The following FAM110D variants were observed in gnomAD, a reference collection of about 807,000 sequenced individuals.
FAM110D encodes the protein family with sequence similarity 110 member D.
For missense variants in FAM110D, 376 were observed against 395.6 expected (o/e 0.95, Z 0.42); for synonymous variants, 174 against 189.4 (o/e 0.92, Z 0.67).
intron 1 of FAM110D, among the ~76,000 whole-genome samples, chr1:26,160,146 C>CAGT (rs1190513486): frequency 6.7e-6 from 1 of 148,578 alleles, no homozygotes; most frequent in Non-Finnish European, 1.5e-5. Context: ...GGCTGGAGTG[C>CAGT]AGTGGTGCGC....
At position 26,161,491 on chromosome 1, in the gene FAM110D, C is replaced by T. The variant is rs375120944; in HGVS notation, c.200C>T (p.Pro67Leu). The change falls in exon 2 of 2, where the codon CCC becomes CTC. Residue 67 changes from proline to leucine, a missense_variant. Transcript: ENST00000374268. The surrounding 1 kb of genome is among the most constrained non-coding windows in gnomAD (Gnocchi z 5.4). ...ELGPPASPRT[P>L]RPVRRGSGRR... is the part of the protein sequence containing the mutation. ...GGGCCCCCTGCATCGCCCAGGACGCCCAGGCCGGTCCGCCGGGGAAGCGGC... is the reference window on the plus strand; with the variant it reads ...GGGCCCCCTGCATCGCCCAGGACGCTCAGGCCGGTCCGCCGGGGAAGCGGC... 1.9e-4 allele frequency: 301 copies of T among 1,553,720 alleles called. No individual in the cohort carries two copies. The highest frequency in any genetic ancestry group is 5.3e-4 in the Admixed American group (27 of 51,330).
intron 1 of FAM110D, among the ~76,000 whole-genome samples, chr1:26,159,893 G>A (rs993709604): frequency 3.9e-5 from 6 of 152,074 alleles, no homozygotes; most frequent in African/African-American, 1.4e-4. Context: ...GCAGAAGGGA[G>A]GTGGAAAAGG....
rs2088363253 is a variant in FAM110D at position 26,161,256 on chromosome 1, T to A, written c.-36T>A. On this transcript the variant is annotated 5_prime_UTR_variant, in exon 2 of 2. Transcript: ENST00000374268. This position sits in a 1 kb window ranked among gnomAD's most constrained non-coding sequence, Gnocchi z 5.4. ...AATTGCTCTAGGCCCCGTGGCTGGC[T>A]ACTTATGGGGCACTGTCCTGACCAG... 1 of 1,486,506 alleles carries A rather than the reference T, an allele frequency of 6.7e-7. No homozygotes were observed. Among genetic ancestry groups the A allele is most frequent in the Admixed American group, 2.4e-5 (1 of 41,180 alleles). The allele number at this position is 1,486,506 out of a possible 1,614,324, so 92.1% of individuals were successfully genotyped here. A position where few individuals can be genotyped will look rare whatever the true frequency, so the allele number is the denominator to read the frequency against.
chr1:26,160,452 C>A (rs1022709645), intron 1 of FAM110D, among the ~76,000 whole-genome samples: 1 of 151,740 alleles, frequency 6.6e-6, no homozygotes, highest in Non-Finnish European at 1.5e-5. Context: ...AGGCAAGAAA[C>A]CTGGGTGACA....
rs1001549306 is a variant in FAM110D, at chr1:26,162,286, G to T, written c.*179G>T. The T allele has an allele frequency of 5.1e-5, 21 of 409,946 alleles. No individual in the cohort carries two copies. The highest frequency in any genetic ancestry group is 1.8e-4 in the Admixed American group (4 of 21,720). 25.4% of individuals were successfully genotyped at this position (409,946 alleles called of 1,614,324 possible). ...GCCCTTCCCTGCTCCCGCGGCGAAG[G>T]GGGAGGGAGAGGCCTCTTGGTCCCT... On this transcript the variant is annotated 3_prime_UTR_variant, in exon 2 of 2. Transcript: ENST00000374268. The surrounding 1 kb of genome is among the most constrained non-coding windows in gnomAD (Gnocchi z 5.3).
rs1009013585 is a variant in FAM110D at position 26,161,899 on chromosome 1, C to G, written c.608C>G (p.Pro203Arg). 1 of 1,442,344 alleles carries G rather than the reference C, an allele frequency of 6.9e-7. No homozygotes were observed. Among genetic ancestry groups the G allele is most frequent in the South Asian group, 1.4e-5 (1 of 70,982 alleles). The allele number at this position is 1,442,344 out of a possible 1,614,324, so 89.3% of individuals were successfully genotyped here. A position where few individuals can be genotyped will look rare whatever the true frequency, so the allele number is the denominator to read the frequency against. The change falls in exon 2 of 2, where the codon CCC becomes CGC. Residue 203 changes from proline to arginine, a missense_variant. Transcript: ENST00000374268. This position sits in a 1 kb window ranked among gnomAD's most constrained non-coding sequence, Gnocchi z 5.4. ...CCGCAGGCCGGAACTTCGCCGCCGC[C>G]CGGCTCCGGGGACGCCAGCGACTGG... ...ASPQAGTSPP[P>R]GSGDASDWTS... is the part of the protein sequence containing the mutation.
chr1:26,162,081 G>C lies in FAM110D; in HGVS notation c.790G>C (p.Gly264Arg). The change falls in exon 2 of 2, where the codon GGA (glycine) becomes CGA (arginine). Residue 264 changes from glycine (G) to arginine (R), a missense_variant. Gly to Arg is a moderately radical substitution (Grantham distance 125). Transcript: ENST00000374268. This position sits in a 1 kb window ranked among gnomAD's most constrained non-coding sequence, Gnocchi z 5.3. ...QWLYGCQRARGPPRESEV is the reference protein window; with the variant it reads ...QWLYGCQRARRPPRESEV ...GCTGTACGGCTGCCAGCGCGCCCGC[G>C]GACCGCCGCGCGAGTCCGAGGTGTG... The C allele has an allele frequency of 7.9e-7, 1 of 1,271,574 alleles. No individual in the cohort carries two copies. The highest frequency in any genetic ancestry group is 9.9e-7 in the Non-Finnish European group (1 of 1,009,764). 78.8% of individuals were successfully genotyped at this position (1,271,574 alleles called of 1,614,324 possible). A position where few individuals can be genotyped will look rare whatever the true frequency, so the allele number is the denominator to read the frequency against.
At position 26,161,712 on chromosome 1, in the gene FAM110D, G is replaced by A. The variant is rs765595772; in HGVS notation, c.421G>A (p.Asp141Asn). Residue 141 changes from aspartate to asparagine, a missense_variant, in exon 2 of 2, where the codon GAT becomes AAT. By Grantham distance (23) the Asp-to-Asn change is conservative (BLOSUM62 1). Transcript: ENST00000374268. This position sits in a 1 kb window ranked among gnomAD's most constrained non-coding sequence, Gnocchi z 5.4. ...TTCAGGGGGTTGGGCTGCGCCCCAGGATGCCCCGGAAGCGGCGGGAAAGCG... is the reference window on the plus strand; with the variant it reads ...TTCAGGGGGTTGGGCTGCGCCCCAGAATGCCCCGGAAGCGGCGGGAAAGCG... Reference protein sequence around the residue: ...AASGGWAAPQDAPEAAGKRAL... With the variant: ...AASGGWAAPQNAPEAAGKRAL... The A allele has an allele frequency of 2.1e-5, 32 of 1,550,862 alleles. No individual in the cohort carries two copies. In the South Asian group the frequency reaches 3.2e-4, roughly 16 times the overall value.
intron 1 of FAM110D, among the ~76,000 whole-genome samples, chr1:26,160,679 G>A (rs2088357599): frequency 6.6e-6 from 1 of 152,252 alleles, no homozygotes. Flanking sequence ...GATAGGGCCT[G>A]GGGACCACCT....
rs1306609259 is a variant in FAM110D, at chr1:26,161,209, C to A, written c.-80-3C>A. On this transcript the variant is annotated splice_region_variant and splice_polypyrimidine_tract_variant and intron_variant, in intron 1 of 1. Transcript: ENST00000374268. The surrounding 1 kb of genome is among the most constrained non-coding windows in gnomAD (Gnocchi z 5.4). ...TTCCCCTGACCTTCCTCTCTCCCTGCAGGTCAGTGAGAGCCCAAGCCAATT... is the reference window on the plus strand; with the variant it reads ...TTCCCCTGACCTTCCTCTCTCCCTGAAGGTCAGTGAGAGCCCAAGCCAATT... 16 of 1,307,108 alleles carry A rather than the reference C, an allele frequency of 1.2e-5. No individual in the cohort carries two copies. The highest frequency in any genetic ancestry group is 4.7e-4 in the Middle Eastern group (2 of 4,248). 81.0% of individuals were successfully genotyped at this position (1,307,108 alleles called of 1,614,324 possible).
intron 1 of FAM110D, among the ~76,000 whole-genome samples, chr1:26,160,184 C>T (rs1022595207): frequency 5.9e-5 from 9 of 151,830 alleles, no homozygotes; most frequent in Middle Eastern, 3.4e-3. Context: ...ACCTCCGCCT[C>T]CCAGCTTCAA....
In FAM110D at chr1:26,161,722, A is replaced by C; in HGVS notation, c.431A>C (p.Glu144Ala). ...GGWAAPQDAP[E>A]AAGKRALCPT... ...TGGGCTGCGCCCCAGGATGCCCCGG[A>C]AGCGGCGGGAAAGCGGGCGCTGTGT... The change falls in exon 2 of 2, where the codon GAA (glutamate) becomes GCA (alanine). Residue 144 changes from glutamate to alanine, a missense_variant. By Grantham distance (107) the Glu-to-Ala change is moderately radical. Transcript: ENST00000374268. The surrounding 1 kb of genome is among the most constrained non-coding windows in gnomAD (Gnocchi z 5.4). The C allele has an allele frequency of 6.5e-7, 1 of 1,549,264 alleles. No homozygotes were observed. Among genetic ancestry groups the C allele is most frequent in the Non-Finnish European group, 8.7e-7 (1 of 1,146,660 alleles).
chr1:26,161,206 C>T lies in FAM110D; in HGVS notation c.-80-6C>T. On this transcript the variant is annotated splice_region_variant and splice_polypyrimidine_tract_variant and intron_variant, in intron 1 of 1. Transcript: ENST00000374268. This position sits in a 1 kb window ranked among gnomAD's most constrained non-coding sequence, Gnocchi z 5.4. ...CCCTTCCCCTGACCTTCCTCTCTCC[C>T]TGCAGGTCAGTGAGAGCCCAAGCCA... 2 of 1,321,450 alleles carry T rather than the reference C, an allele frequency of 1.5e-6. No individual in the cohort carries two copies. The highest frequency in any genetic ancestry group is 2.0e-6 in the Non-Finnish European group (2 of 981,302). The allele number at this position is 1,321,450 out of a possible 1,614,324, so 81.9% of individuals were successfully genotyped here.
At chr1:26,159,332 G>A (rs895399872) in intron 1 of FAM110D, among the ~76,000 whole-genome samples, 2 of 152,210 alleles carry the variant, frequency 1.3e-5, no homozygotes, top group African/African-American at 4.8e-5. Flanking sequence ...CTTCTAGGGC[G>A]GGATGTCTGA....
At position 26,162,350 on chromosome 1, in the gene FAM110D, G is replaced by A. The variant is rs1252539046; in HGVS notation, c.*243G>A. 2.8e-6 allele frequency: 1 copy of A among 356,970 alleles called. No homozygotes were observed. The highest frequency in any genetic ancestry group is 2.1e-5 in the African/African-American group (1 of 46,716). The allele number at this position is 356,970 out of a possible 1,614,324, so 22.1% of individuals were successfully genotyped here. ...CTGGGGAGTCACGATTGGGGTGGGA[G>A]ATGAGCAAACCTGCTGAATAAAGTT... On this transcript the variant is annotated 3_prime_UTR_variant, in exon 2 of 2. Coordinates refer to ENST00000374268, the MANE Select transcript of FAM110D (RefSeq NM_024869.3). The surrounding 1 kb of genome is among the most constrained non-coding windows in gnomAD (Gnocchi z 5.3).
chr1:26,161,713 A>C lies in FAM110D; in HGVS notation c.422A>C (p.Asp141Ala), dbSNP rs2124491693. ...TCAGGGGGTTGGGCTGCGCCCCAGGATGCCCCGGAAGCGGCGGGAAAGCGG... is the reference window on the plus strand; with the variant it reads ...TCAGGGGGTTGGGCTGCGCCCCAGGCTGCCCCGGAAGCGGCGGGAAAGCGG... Reference protein sequence around the residue: ...AASGGWAAPQDAPEAAGKRAL... With the variant: ...AASGGWAAPQAAPEAAGKRAL... Residue 141 changes from aspartate (D) to alanine (A), a missense_variant, in exon 2 of 2, where the codon GAT becomes GCT. Coordinates refer to ENST00000374268, the MANE Select transcript of FAM110D (RefSeq NM_024869.3). This position sits in a 1 kb window ranked among gnomAD's most constrained non-coding sequence, Gnocchi z 5.4. 1 of 1,550,856 alleles carries C rather than the reference A, an allele frequency of 6.4e-7. No homozygotes were observed. Among genetic ancestry groups the C allele is most frequent in the South Asian group, 1.2e-5 (1 of 84,062 alleles).
intron 1 of FAM110D, among the ~76,000 whole-genome samples, chr1:26,160,515 G>A (rs1015194136): frequency 6.6e-5 from 10 of 151,748 alleles, no homozygotes; most frequent in Non-Finnish European, 1.2e-4. Context: ...TTCCAGTCCT[G>A]GCTCCTAACT....
Position 26,161,704 on chromosome 1 carries a change from C to T in FAM110D, c.413C>T (p.Ala138Val). ...ERPAASGGWA[A>V]PQDAPEAAGK... ...CCTGCGGCTTCAGGGGGTTGGGCTG[C>T]GCCCCAGGATGCCCCGGAAGCGGCG... Residue 138 changes from alanine (A) to valine (V), a missense_variant, in exon 2 of 2, where the codon GCG becomes GTG. By Grantham distance (64) the Ala-to-Val change is moderately conservative (BLOSUM62 0). Coordinates refer to ENST00000374268, the MANE Select transcript of FAM110D (RefSeq NM_024869.3). This position sits in a 1 kb window ranked among gnomAD's most constrained non-coding sequence, Gnocchi z 5.4. 6.4e-7 allele frequency: 1 copy of T among 1,550,442 alleles called. No individual in the cohort carries two copies. The highest frequency in any genetic ancestry group is 1.2e-5 in the South Asian group (1 of 84,004).
chr1:26,161,278 C>T lies in FAM110D; in HGVS notation c.-14C>T, dbSNP rs1304939169. On this transcript the variant is annotated 5_prime_UTR_variant, in exon 2 of 2. Coordinates refer to ENST00000374268, the MANE Select transcript of FAM110D (RefSeq NM_024869.3). This position sits in a 1 kb window ranked among gnomAD's most constrained non-coding sequence, Gnocchi z 5.4. Reference sequence around the variant, plus strand: ...GGCTACTTATGGGGCACTGTCCTGACCAGCTCTGCTAAGATGCTCCTGGCC... The same window carrying T: ...GGCTACTTATGGGGCACTGTCCTGATCAGCTCTGCTAAGATGCTCCTGGCC... The T allele has an allele frequency of 1.3e-6, 2 of 1,549,994 alleles. No homozygotes were observed. The highest frequency in any genetic ancestry group is 2.7e-5 in the African/African-American group (2 of 73,412).
Sources: allele counts gnomAD v4.1 joint callset (sites outside exome capture counted in the v4.1 genomes callset), GRCh38; gene constraint gnomAD v4.1.1; non-coding constraint Gnocchi (gnomAD v3.1); transcripts MANE v1.5; gene names NCBI Gene and HGNC (gene_info 2026-07-23, HGNC 2026-07-21).